TAFA2: variants seen among roughly 807,000 people sequenced by gnomAD.
TAFA2 encodes chemokine-like protein TAFA-2.
In TAFA2, 7 loss-of-function variants were observed where a neutral mutation model predicts 18.8. That is an observed-to-expected ratio of 0.37 (90% CI 0.21 to 0.70). The LOEUF is 0.70. TAFA2 is among the 30% of genes least tolerant of loss of function. The pLI, the probability that TAFA2 is intolerant of heterozygous loss-of-function variation, is 0.53. For missense variants in TAFA2, 122 were observed against 158.1 expected, an observed-to-expected ratio of 0.77 and a Z score of 1.23; for synonymous variants, 60 against 54.2, an observed-to-expected ratio of 1.11 and a Z score of -0.47.
chr12:62,252,785 C>T (rs1168132423), intron 1 of TAFA2: 1 of 152,122 alleles, frequency 6.6e-6, no homozygotes, highest in Non-Finnish European at 1.5e-5. Context: ...GTGCTCACTA[C>T]CACATCTCTT....
At chr12:62,095,571 C>T (rs1444254) in intron 1 of TAFA2, among the ~76,000 whole-genome samples, 36,473 of 151,904 alleles carry the variant, frequency 0.24, 4,635 homozygotes, top group East Asian at 0.39. Context: ...GTAAGGCAGA[C>T]TCCGTGAGTT....
intron 1 of TAFA2, among the ~76,000 whole-genome samples, chr12:62,004,505 T>C (rs1366470840): frequency 6.6e-6 from 1 of 152,136 alleles, no homozygotes; most frequent in African/African-American, 2.4e-5. Context: ...TGAAAATAGC[T>C]GCACTGTAAA....
intron 2 of TAFA2, among the ~76,000 whole-genome samples, chr12:61,807,588 T>A (rs1871674342): frequency 6.6e-6 from 1 of 151,278 alleles, no homozygotes; most frequent in Non-Finnish European, 1.5e-5. Context: ...CACTGATAAC[T>A]TGCACTGTGC....
At chr12:62,146,908 T>A (rs1171840045) in intron 1 of TAFA2, among the ~76,000 whole-genome samples, 3 of 152,092 alleles carry the variant, frequency 2.0e-5, no homozygotes, top group Non-Finnish European at 4.4e-5. Context: ...AGTTACTCCC[T>A]CTTGGTAAAG....
chr12:62,257,560 T>C (rs1461363430), intron 1 of TAFA2, among the ~76,000 whole-genome samples: 3 of 152,182 alleles, frequency 2.0e-5, no homozygotes, highest in African/African-American at 7.2e-5. Flanking sequence ...GAATCTCTAA[T>C]TTCACAACCA....
intron 2 of TAFA2, among the ~76,000 whole-genome samples, chr12:61,827,985 G>A (rs1189720859): frequency 1.3e-5 from 2 of 151,906 alleles, no homozygotes; most frequent in East Asian, 3.9e-4. Context: ...AGACATTAAT[G>A]AAGATGGATA....
chr12:62,042,415 G>GTA, intron 1 of TAFA2, among the ~76,000 whole-genome samples: 1 of 114,326 alleles, frequency 8.7e-6, no homozygotes, highest in East Asian at 2.3e-4. Flanking sequence ...GTGTGTGTGT[G>GTA]TGTGTGTGTG....
chr12:61,870,482 A>G (rs973814019), intron 1 of TAFA2, among the ~76,000 whole-genome samples: 10 of 152,332 alleles, frequency 6.6e-5, no homozygotes, highest in South Asian at 2.1e-4. Context: ...ACTTGGTTAA[A>G]ACCTTAACAT....
At chr12:61,745,048 T>A (rs910245157) in intron 4 of TAFA2, among the ~76,000 whole-genome samples, 3 of 152,106 alleles carry the variant, frequency 2.0e-5, no homozygotes, top group African/African-American at 7.2e-5. Context: ...CATTTGAGTT[T>A]AAATATTATT....
intron 4 of TAFA2, among the ~76,000 whole-genome samples, chr12:61,748,254 T>C (rs906551074): frequency 6.6e-6 from 1 of 152,110 alleles, no homozygotes; most frequent in Non-Finnish European, 1.5e-5. Context: ...GTGTGTGTAG[T>C]AGATCACTAA....
intron 1 of TAFA2, among the ~76,000 whole-genome samples, chr12:62,178,243 T>C (rs1434371653): frequency 6.6e-6 from 1 of 152,118 alleles, no homozygotes; most frequent in Non-Finnish European, 1.5e-5. Context: ...GAGGCTGCAG[T>C]CAGCTATGAT....
At chr12:61,793,340 A>T (rs886700245) in intron 2 of TAFA2, among the ~76,000 whole-genome samples, 1 of 151,574 alleles carries the variant, frequency 6.6e-6, no homozygotes, top group African/African-American at 2.4e-5. Flanking sequence ...AAAATTCAAT[A>T]AAATTCATAA....
upstream of TAFA2, among the ~76,000 whole-genome samples, chr12:62,196,878 T>A (rs911122092): frequency 6.6e-6 from 1 of 152,040 alleles, no homozygotes; most frequent in Admixed American, 6.6e-5. Context: ...AAGAAAATAA[T>A]AATAATAAAT....
chr12:61,847,984 TGTA>T (rs1220664693), intron 2 of TAFA2, among the ~76,000 whole-genome samples: 1 of 152,248 alleles, frequency 6.6e-6, no homozygotes, highest in Non-Finnish European at 1.5e-5. Flanking sequence ...TTCATTTCTC[TGTA>T]TAACGCCAAT....
intron 1 of TAFA2, among the ~76,000 whole-genome samples, chr12:62,141,645 A>G (rs2062239987): frequency 6.6e-6 from 1 of 152,124 alleles, no homozygotes; most frequent in Admixed American, 6.6e-5. Flanking sequence ...GCTTTATATT[A>G]TTATATTGTT....
chr12:61,737,632 CAT>C (rs1363836181), intron 4 of TAFA2, among the ~76,000 whole-genome samples: 13 of 151,658 alleles, frequency 8.6e-5, no homozygotes, highest in African/African-American at 3.1e-4. Context: ...GAAGACAATC[CAT>C]ATCTTATTAC....
intron 2 of TAFA2, among the ~76,000 whole-genome samples, chr12:61,783,653 A>T (rs985593106): frequency 6.6e-6 from 1 of 151,628 alleles, no homozygotes; most frequent in African/African-American, 2.4e-5. Flanking sequence ...AGAAAAGGAT[A>T]GTGAGCAAGA....
At chr12:62,121,911 C>A (rs1592349215) in intron 1 of TAFA2, among the ~76,000 whole-genome samples, 1 of 152,174 alleles carries the variant, frequency 6.6e-6, no homozygotes, top group African/African-American at 2.4e-5. Context: ...TCAGTGTCAC[C>A]TTTGTATTTT....
intron 1 of TAFA2, among the ~76,000 whole-genome samples, chr12:61,948,321 T>C (rs1878351265): frequency 6.6e-6 from 1 of 152,180 alleles, no homozygotes; most frequent in Non-Finnish European, 1.5e-5. Flanking sequence ...AAAATTCAGG[T>C]AGTCCCTAAC....
Sources: gnomAD v4.1 joint callset for allele counts (sites outside exome capture counted in the v4.1 genomes callset) on GRCh38, gnomAD v4.1.1 for gene constraint, MANE v1.5 for transcripts, NCBI Gene and HGNC (gene_info 2026-07-23, HGNC 2026-07-21) for gene names.